CACNA2D3: variants seen among roughly 807,000 people sequenced by gnomAD.
CACNA2D3 encodes voltage-dependent calcium channel subunit alpha-2/delta-3.
Under a neutral mutation model 160.6 loss-of-function variants are expected in CACNA2D3, and 60 were observed. That is an observed-to-expected ratio of 0.37 (90% CI 0.30 to 0.46). The LOEUF (loss-of-function observed/expected upper bound fraction) is 0.46, where lower values mean the gene tolerates loss of function less well. CACNA2D3 is among the 20% of genes least tolerant of loss of function. CACNA2D3 has a pLI of 1.00. For synonymous variants in CACNA2D3, 558 were observed against 492.9 expected (o/e 1.13, Z -1.75); for missense variants, 1,205 against 1,365.0 (o/e 0.88, Z 1.85).
intron 2 of CACNA2D3, among the ~76,000 whole-genome samples, chr3:54,295,371 T>G (rs1703316702): frequency 6.6e-6 from 1 of 152,162 alleles, no homozygotes; most frequent in Non-Finnish European, 1.5e-5. Context: ...TTTAGAAAGT[T>G]TATTTTGCCA....
At chr3:54,989,128 A>T (rs1371441867) in intron 31 of CACNA2D3, among the ~76,000 whole-genome samples, 1 of 152,314 alleles carries the variant, frequency 6.6e-6, no homozygotes, top group East Asian at 1.9e-4. Context: ...CATTTGTATC[A>T]TGTTAACTTC....
chr3:54,312,693 T>C (rs1703768059), intron 2 of CACNA2D3, among the ~76,000 whole-genome samples: 1 of 152,252 alleles, frequency 6.6e-6, no homozygotes, highest in Admixed American at 6.5e-5. Context: ...TAAATGTTCT[T>C]GGCTCACCAC....
chr3:54,887,503 CA>C (rs1699954151), intron 23 of CACNA2D3, among the ~76,000 whole-genome samples: 1 of 152,084 alleles, frequency 6.6e-6, no homozygotes, highest in Non-Finnish European at 1.5e-5. Flanking sequence ...ATAAGAATCC[CA>C]GGGGTTATTA....
rs946436057 is a variant in CACNA2D3, at chr3:54,647,358, C to T, written c.1167+5117C>T. 5.9e-5 allele frequency among the ~76,000 whole-genome samples: 9 copies of T among 152,266 alleles called. No homozygotes were observed. In the South Asian group the frequency reaches 1.0e-3, roughly 18 times the overall value. ...TTACCTAGCAATGCTATAAAGCATC[C>T]GCAAGCCTAGTGGCTTAAAATAACA... On this transcript the variant is annotated intron_variant, in intron 11 of 37. Coordinates refer to ENST00000474759, the MANE Select transcript of CACNA2D3 (RefSeq NM_018398.3).
At chr3:54,251,332 T>C (rs1315670589) in intron 2 of CACNA2D3, among the ~76,000 whole-genome samples, 1 of 152,198 alleles carries the variant, frequency 6.6e-6, no homozygotes, top group Non-Finnish European at 1.5e-5. Flanking sequence ...TCAATCTCTA[T>C]CATAGGTGCA....
intron 4 of CACNA2D3, among the ~76,000 whole-genome samples, chr3:54,413,418 A>T (rs918804475): frequency 2.7e-5 from 3 of 110,646 alleles, no homozygotes; most frequent in Non-Finnish European, 5.7e-5. Flanking sequence ...CTATATATAT[A>T]GATATCTATA....
intron 27 of CACNA2D3, chr3:54,924,597 G>A: frequency 6.4e-7 from 1 of 1,566,462 alleles, no homozygotes; most frequent in South Asian, 1.1e-5. Context: ...CAGATGGGGG[G>A]TTCCAAATAG....
In CACNA2D3 at chr3:54,816,407, T is replaced by C. The variant is rs977914812; in HGVS notation, c.1381-446T>C. 5.9e-5 allele frequency among the ~76,000 whole-genome samples: 9 copies of C among 152,212 alleles called. No individual in the cohort carries two copies. In the East Asian group the frequency reaches 1.5e-3, roughly 26 times the overall value. On this transcript the variant is annotated intron_variant, in intron 13 of 37. Transcript: ENST00000474759. ...ACAGTGTCCCTTGGCCTCTACCCTC[T>C]AGAGGCCAACAGCTCTCGCTCCCTT... is the stretch of plus-strand genomic sequence containing the variant.
chr3:54,843,804 A>G (rs963819705), intron 16 of CACNA2D3, among the ~76,000 whole-genome samples: 10 of 152,198 alleles, frequency 6.6e-5, no homozygotes, highest in Non-Finnish European at 1.0e-4. Context: ...GAAAAACATT[A>G]GTAGGATTTC....
At chr3:54,912,580 T>C in intron 27 of CACNA2D3, among the ~76,000 whole-genome samples, 1 of 152,082 alleles carries the variant, frequency 6.6e-6, no homozygotes, top group East Asian at 1.9e-4. Context: ...TCACCACTGG[T>C]TCCATCATTT....
chr3:54,788,522 A>G (rs1276375899), intron 13 of CACNA2D3, among the ~76,000 whole-genome samples: 1 of 152,182 alleles, frequency 6.6e-6, no homozygotes, highest in South Asian at 2.1e-4. Context: ...AAACTCTCCA[A>G]ATGAGGAGTG....
intron 27 of CACNA2D3, among the ~76,000 whole-genome samples, chr3:54,935,428 A>AC (rs921437212): frequency 1.3e-5 from 2 of 152,220 alleles, no homozygotes; most frequent in African/African-American, 4.8e-5. Context: ...GGTGGAATAA[A>AC]CATAGGCAGA....
At chr3:54,556,556 G>A (rs1193094575) in intron 5 of CACNA2D3, among the ~76,000 whole-genome samples, 10 of 152,166 alleles carry the variant, frequency 6.6e-5, no homozygotes, top group Non-Finnish European at 1.2e-4. Context: ...CCAGTTTGCA[G>A]TATTTTGCCA....
At chr3:54,741,161 G>C (rs1228903116) in intron 11 of CACNA2D3, among the ~76,000 whole-genome samples, 1 of 152,174 alleles carries the variant, frequency 6.6e-6, no homozygotes, top group African/African-American at 2.4e-5. Context: ...GGCGGGAAGG[G>C]AGAGCATTAA....
At chr3:54,781,924 A>G (rs1702545224) in intron 13 of CACNA2D3, among the ~76,000 whole-genome samples, 2 of 152,210 alleles carry the variant, frequency 1.3e-5, no homozygotes, top group South Asian at 4.1e-4. Flanking sequence ...TGAAGGCAAG[A>G]CTGTTTAAAA....
intron 9 of CACNA2D3, among the ~76,000 whole-genome samples, chr3:54,606,016 T>C (rs1698600604): frequency 6.6e-6 from 1 of 152,164 alleles, no homozygotes. Flanking sequence ...TCCATTTCTG[T>C]AGCTTAGATT....
In CACNA2D3 at chr3:54,714,515, C is replaced by T. The variant is rs147478614; in HGVS notation, c.1168-38084C>T. On this transcript the variant is annotated intron_variant, in intron 11 of 37. Transcript: ENST00000474759. ...ATATACCCCAAGACTCTTCAGATTC[C>T]CAATGGTGAGAGCAATGGCCGTGCT... Among the ~76,000 whole-genome samples the T allele has an allele frequency of 4.4e-3, 668 of 152,208 alleles. 5 individuals are homozygous for T. Among genetic ancestry groups the T allele is most frequent in the African/African-American group, 0.016 (645 of 41,514 alleles).
chr3:54,751,087 T>C (rs1418135416), intron 11 of CACNA2D3, among the ~76,000 whole-genome samples: 6 of 151,246 alleles, frequency 4.0e-5, no homozygotes, highest in Non-Finnish European at 7.4e-5. Context: ...TGCTTTCTTT[T>C]CCCCCCAAGA....
chr3:55,018,161 T>A, intron 34 of CACNA2D3, 45 bp from the exon 35 acceptor site: 1 of 1,257,884 alleles, frequency 7.9e-7, no homozygotes, highest in Non-Finnish European at 1.2e-6. Flanking sequence ...ATTTTGAGCC[T>A]GTGCCTTGCA....
Sources: allele counts gnomAD v4.1 joint callset (sites outside exome capture counted in the v4.1 genomes callset), GRCh38; gene constraint gnomAD v4.1.1; transcripts MANE v1.5; gene names NCBI Gene and HGNC (gene_info 2026-07-23, HGNC 2026-07-21).